The following CIT variants were observed in gnomAD, a reference collection of about 807,000 sequenced individuals.
CIT encodes citron Rho-interacting kinase.
A neutral mutation model predicts 272.7 loss-of-function variants in CIT; 79 were observed. The observed-to-expected ratio is 0.29, with a 90% confidence interval of 0.24 to 0.35. The LOEUF (loss-of-function observed/expected upper bound fraction) is 0.35, where lower values mean the gene tolerates loss of function less well. Ranked by LOEUF, CIT falls within the 10% of genes least tolerant of loss-of-function variation. CIT has a pLI of 1.00. For synonymous variants in CIT, 948 were observed against 995.6 expected, an observed-to-expected ratio of 0.95 and a Z score of 0.90; for missense variants, 1,909 against 2,618.3, an observed-to-expected ratio of 0.73 and a Z score of 5.91.
At chr12:119,757,666 A>G in intron 21 of CIT, 121 bp from the exon 22 acceptor site, 3 of 1,266,340 alleles carry the variant, frequency 2.4e-6, no homozygotes, top group South Asian at 1.4e-5. Context: ...GACTAGGGCC[A>G]TTCCTGGGTT....
Position 119,784,406 on chromosome 12 carries a change from C to G in CIT, c.1402-355G>C. 1.6e-6 allele frequency: 2 copies of G among 1,225,508 alleles called. No homozygotes were observed. The highest frequency in any genetic ancestry group is 1.0e-6 in the Non-Finnish European group (1 of 964,410). 75.9% of individuals were successfully genotyped at this position (1,225,508 alleles called of 1,614,324 possible). A position where few individuals can be genotyped will look rare whatever the true frequency, so the allele number is the denominator to read the frequency against. The stretch of plus-strand genomic sequence containing the variant: ...TATCCCAAATCCATCTTGATCCCCC[C>G]CCATCTCCTTGCAAAGATCTAGAGG... On this transcript the variant is annotated intron_variant, in intron 11 of 47. Coordinates refer to ENST00000392521, the MANE Select transcript of CIT (RefSeq NM_001206999.2). This position sits in a 1 kb window ranked among gnomAD's most constrained non-coding sequence, Gnocchi z 4.7.
chr12:119,743,636 C>T (rs1208942725), intron 23 of CIT, among the ~76,000 whole-genome samples: 2 of 152,160 alleles, frequency 1.3e-5, no homozygotes, highest in African/African-American at 4.8e-5. Context: ...GATACTATAA[C>T]TAATCAAATT....
chr12:119,776,994 C>T (rs956155537), intron 13 of CIT, 152 bp from the exon 14 acceptor site: 5 of 809,186 alleles, frequency 6.2e-6, no homozygotes, highest in Admixed American at 2.7e-5. Flanking sequence ...GTGGCTCACG[C>T]CTGTAATCCC....
intron 8 of CIT, among the ~76,000 whole-genome samples, chr12:119,823,536 G>A (rs1434271264): frequency 6.6e-6 from 1 of 152,108 alleles, no homozygotes; most frequent in Non-Finnish European, 1.5e-5. Flanking sequence ...GTGAGCTAAA[G>A]GGAAGGAAAT....
chr12:119,851,558 A>G (rs1443623242), intron 4 of CIT, among the ~76,000 whole-genome samples: 1 of 152,220 alleles, frequency 6.6e-6, no homozygotes, highest in Non-Finnish European at 1.5e-5. Flanking sequence ...AATCTTGGAG[A>G]CATGTGAAAA....
At chr12:119,854,309 G>A (rs1183960775) in intron 4 of CIT, among the ~76,000 whole-genome samples, 5 of 150,838 alleles carry the variant, frequency 3.3e-5, no homozygotes, top group Admixed American at 6.6e-5. Context: ...TTACAGGCGT[G>A]AGCCACTGCA....
chr12:119,798,833 G>A (rs906954137), intron 10 of CIT, among the ~76,000 whole-genome samples: 17 of 152,262 alleles, frequency 1.1e-4, no homozygotes, highest in Admixed American at 5.9e-4. Flanking sequence ...CCCATTAAGC[G>A]TCCCTCACTG....
intron 9 of CIT, among the ~76,000 whole-genome samples, chr12:119,812,173 T>C (rs203356): frequency 0.74 from 112,032 of 151,898 alleles, 41,922 homozygotes; most frequent in East Asian, 0.97. Flanking sequence ...GTCTCGAACT[T>C]CTGACCTCAA....
At chr12:119,802,622 C>A (rs770495572) in intron 10 of CIT, among the ~76,000 whole-genome samples, 19 of 152,190 alleles carry the variant, frequency 1.2e-4, no homozygotes, top group Admixed American at 2.0e-4. Flanking sequence ...CAGCGCTCCA[C>A]CAGCTCAGAG....
chr12:119,713,003 G>A lies in CIT; in HGVS notation c.4579+200C>T, dbSNP rs1957248326. The A allele has an allele frequency of 4.8e-6, 3 of 620,674 alleles. No homozygotes were observed. The highest frequency in any genetic ancestry group is 4.5e-4 in the Middle Eastern group (1 of 2,242). 38.4% of individuals were successfully genotyped at this position (620,674 alleles called of 1,614,324 possible). A position where few individuals can be genotyped will look rare whatever the true frequency, so the allele number is the denominator to read the frequency against. On this transcript the variant is annotated intron_variant, in intron 35 of 47. Coordinates refer to ENST00000392521, the MANE Select transcript of CIT (RefSeq NM_001206999.2). This position sits in a 1 kb window ranked among gnomAD's most constrained non-coding sequence, Gnocchi z 5.2. ...GGTGGAATCTTCAGGGCAGCGCCCTGCGGGTTCTTCAGGGGGGAGACCTAT... is the reference window on the plus strand; with the variant it reads ...GGTGGAATCTTCAGGGCAGCGCCCTACGGGTTCTTCAGGGGGGAGACCTAT...
chr12:119,705,300 T>C (rs1956812037), intron 40 of CIT, among the ~76,000 whole-genome samples: 1 of 152,182 alleles, frequency 6.6e-6, no homozygotes, highest in Non-Finnish European at 1.5e-5. Flanking sequence ...AACGCTCTTT[T>C]TCTAGAACAG....
At chr12:119,824,493 C>A (rs1000444271) in intron 8 of CIT, among the ~76,000 whole-genome samples, 2 of 152,118 alleles carry the variant, frequency 1.3e-5, no homozygotes, top group Non-Finnish European at 2.9e-5. Flanking sequence ...TCATTGGCAA[C>A]AGTTTTTCTT....
In CIT at chr12:119,713,284, G is replaced by C. The variant is rs1375369965; in HGVS notation, c.4498C>G (p.Arg1500Gly). 6.2e-7 allele frequency: 1 copy of C among 1,613,882 alleles called. No homozygotes were observed. The highest frequency in any genetic ancestry group is 1.7e-5 in the Admixed American group (1 of 59,998). ...TTCCTGTCCCAGCCTTGCTGTCCTCGTTTGTTATTCCTGGGGAAAGAAAGA... is the reference window on the plus strand; with the variant it reads ...TTCCTGTCCCAGCCTTGCTGTCCTCCTTTGTTATTCCTGGGGAAAGAAAGA... ...GWMKVPRNNK[R>G]GQQGWDRKYI... Residue 1500 changes from arginine (R) to glycine (G), a missense_variant, in exon 35 of 48, where the codon CGA (arginine) becomes GGA (glycine). Arg to Gly is a moderately radical substitution (Grantham distance 125). This residue lies in a region of CIT where 780 missense variants were observed against 1,067.2 expected (regional missense o/e 0.73). Coordinates refer to ENST00000392521, the MANE Select transcript of CIT (RefSeq NM_001206999.2). This position sits in a 1 kb window ranked among gnomAD's most constrained non-coding sequence, Gnocchi z 5.2.
At chr12:119,803,877 G>C (rs1321512315) in intron 9 of CIT, among the ~76,000 whole-genome samples, 1 of 152,106 alleles carries the variant, frequency 6.6e-6, no homozygotes, top group Admixed American at 6.5e-5. Flanking sequence ...ACCGGGATAA[G>C]AGGAAGGACC....
At chr12:119,741,537 C>T (rs1959058650) in intron 24 of CIT, among the ~76,000 whole-genome samples, 1 of 152,058 alleles carries the variant, frequency 6.6e-6, no homozygotes, top group Non-Finnish European at 1.5e-5. Flanking sequence ...ACCATTAGGA[C>T]TTAATATTTC....
chr12:119,702,102 A>G (rs1956619395), intron 41 of CIT, 144 bp from the exon 42 acceptor site: 2 of 627,432 alleles, frequency 3.2e-6, no homozygotes, highest in South Asian at 2.0e-5. Context: ...ATAGAGAGCC[A>G]TTCATCTTTT....
rs1481918200 is a variant in CIT at position 119,808,798 on chromosome 12, T to C, written c.1112-5409A>G. ...ATGTTAATTGACTAATTAGACACTA[T>C]GTTCAAATTTAAAGGAAGAGTACCA... On this transcript the variant is annotated intron_variant, in intron 9 of 47. Coordinates refer to ENST00000392521, the MANE Select transcript of CIT (RefSeq NM_001206999.2). 3.9e-5 allele frequency among the ~76,000 whole-genome samples: 6 copies of C among 152,232 alleles called. 1 individual carries two copies. The highest frequency in any genetic ancestry group is 3.9e-4 in the Admixed American group (6 of 15,292).
chr12:119,698,559 C>T (rs946105571), intron 44 of CIT, among the ~76,000 whole-genome samples: 24 of 149,716 alleles, frequency 1.6e-4, no homozygotes, highest in African/African-American at 5.5e-4. Flanking sequence ...CACTGCACTC[C>T]GACCTGGGCA....
intron 4 of CIT, among the ~76,000 whole-genome samples, chr12:119,856,495 C>G (rs112621289): frequency 6.6e-6 from 1 of 151,946 alleles, no homozygotes; most frequent in Admixed American, 6.6e-5. Flanking sequence ...CCTCCCCACC[C>G]AAATGTCCTC....
Sources: gnomAD v4.1 joint callset for allele counts (sites outside exome capture counted in the v4.1 genomes callset) on GRCh38, gnomAD v4.1.1 for gene constraint, gnomAD v4.1.1 regional missense constraint, Gnocchi (gnomAD v3.1) non-coding constraint, MANE v1.5 for transcripts, NCBI Gene and HGNC (gene_info 2026-07-23, HGNC 2026-07-21) for gene names.